Variants in SOX6 observed in about 807,000 individuals in gnomAD.
The protein encoded by SOX6 is transcription factor SOX-6.
In SOX6, 11 loss-of-function variants were observed where a neutral mutation model predicts 97.8. That is an observed-to-expected ratio of 0.11 (90% CI 0.07 to 0.19). The LOEUF (loss-of-function observed/expected upper bound fraction) is 0.19. Among genes scored for constraint, SOX6 ranks in the 10% least tolerant of loss-of-function variants. The pLI is 1.00. For synonymous variants in SOX6, 360 were observed against 371.4 expected, an observed-to-expected ratio of 0.97 and a Z score of 0.35; for missense variants, 810 against 1,039.5, an observed-to-expected ratio of 0.78 and a Z score of 3.04.
chr11:16,690,564 T>A (rs1352015654), intron 3 of SOX6, among the ~76,000 whole-genome samples: 2 of 152,242 alleles, frequency 1.3e-5, no homozygotes, highest in African/African-American at 4.8e-5. Context: ...AAACTTTCTA[T>A]AACATTTCAA....
At chr11:16,352,127 T>C (rs1856962443) in intron 1 of SOX6, among the ~76,000 whole-genome samples, 1 of 152,024 alleles carries the variant, frequency 6.6e-6, no homozygotes, top group South Asian at 2.1e-4. Context: ...CTCTGGACAA[T>C]AAATTCACCT....
intron 1 of SOX6, among the ~76,000 whole-genome samples, chr11:16,409,440 A>G (rs1858752685): frequency 6.6e-6 from 1 of 152,214 alleles, no homozygotes; most frequent in Admixed American, 6.5e-5. Flanking sequence ...TAATATCATG[A>G]GTTCCTTCCA....
At chr11:16,121,359 A>G (rs1849484974) in intron 6 of SOX6, among the ~76,000 whole-genome samples, 1 of 152,052 alleles carries the variant, frequency 6.6e-6, no homozygotes, top group Admixed American at 6.6e-5. Context: ...CTCATGAGAA[A>G]CATGCTACTC....
Position 16,014,925 on chromosome 11 carries a change from A to G in SOX6, c.1732+17T>C, listed in dbSNP as rs1314625791. ...ACACATGGAGCAGCAGAAAAGAACT[A>G]GAGAAAAGCCACTCACCCTCTGCAT... is the stretch of plus-strand genomic sequence containing the variant. On this transcript the variant is annotated intron_variant, in intron 13 of 15. Transcript: ENST00000683767. The G allele has an allele frequency of 1.2e-6, 2 of 1,606,474 alleles. No homozygotes were observed. Among genetic ancestry groups the G allele is most frequent in the East Asian group, 2.2e-5 (1 of 44,752 alleles).
chr11:16,396,357 C>T (rs1352292918), intron 1 of SOX6, among the ~76,000 whole-genome samples: 52 of 151,664 alleles, frequency 3.4e-4, no homozygotes. Context: ...CTAAATAGTG[C>T]TCTGGCATTT....
At chr11:16,437,412 C>T (rs772874524) in intron 1 of SOX6, among the ~76,000 whole-genome samples, 38 of 152,074 alleles carry the variant, frequency 2.5e-4, no homozygotes, top group Non-Finnish European at 4.9e-4. Context: ...ATTGTGAGCT[C>T]CATGACAGCA....
At chr11:16,637,950 AT>A (rs1292187218) in intron 3 of SOX6, among the ~76,000 whole-genome samples, 2 of 150,142 alleles carry the variant, frequency 1.3e-5, no homozygotes, top group African/African-American at 4.9e-5. Context: ...TCTAGGGTAC[AT>A]GTGCACAATG....
chr11:16,152,556 T>C (rs1167936791), intron 6 of SOX6, among the ~76,000 whole-genome samples: 1 of 152,228 alleles, frequency 6.6e-6, no homozygotes, highest in Non-Finnish European at 1.5e-5. Flanking sequence ...TTACCATTAA[T>C]ACAGGCTACT....
intron 4 of SOX6, among the ~76,000 whole-genome samples, chr11:16,551,804 C>T (rs1847690844): frequency 6.6e-6 from 1 of 151,884 alleles, no homozygotes; most frequent in Non-Finnish European, 1.5e-5. Context: ...TGGGTTTCAC[C>T]ATGTTGGCAA....
intron 3 of SOX6, among the ~76,000 whole-genome samples, chr11:16,655,060 G>T (rs749183114): frequency 6.6e-6 from 1 of 152,146 alleles, no homozygotes; most frequent in East Asian, 1.9e-4. Context: ...GAGAAGGAAA[G>T]GAATTTTCTA....
At chr11:16,153,957 T>C (rs192930613) in intron 6 of SOX6, among the ~76,000 whole-genome samples, 24 of 152,290 alleles carry the variant, frequency 1.6e-4, no homozygotes, top group Non-Finnish European at 2.9e-4. Flanking sequence ...AGTTCTACTT[T>C]TCTGAAAACA....
chr11:16,253,024 A>G (rs1411838167), intron 3 of SOX6, among the ~76,000 whole-genome samples: 2 of 152,136 alleles, frequency 1.3e-5, no homozygotes, highest in African/African-American at 2.4e-5. Flanking sequence ...AAAAATTATA[A>G]GACATACCAA....
At chr11:16,386,736 T>C (rs1857998388) in intron 1 of SOX6, among the ~76,000 whole-genome samples, 2 of 152,172 alleles carry the variant, frequency 1.3e-5, no homozygotes, top group Admixed American at 6.6e-5. Flanking sequence ...CACTAATGTA[T>C]AGTCACCATC....
chr11:16,161,499 G>A lies in SOX6; in HGVS notation c.777+22387C>T, dbSNP rs114124100. Among the ~76,000 whole-genome samples, 1,186 of 151,924 alleles carry A rather than the reference G, an allele frequency of 7.8e-3. 20 individuals are homozygous for A. Among genetic ancestry groups the A allele is most frequent in the African/African-American group, 0.027 (1,108 of 41,420 alleles). On this transcript the variant is annotated intron_variant, in intron 6 of 15. Transcript: ENST00000683767. ...GTCAAGTTTATTTAAAGTAGTAATGGAAACCAAATTACAACAACAAAAATC... is the reference window on the plus strand; with the variant it reads ...GTCAAGTTTATTTAAAGTAGTAATGAAAACCAAATTACAACAACAAAAATC...
chr11:16,095,100 T>G (rs1421521885), intron 9 of SOX6, among the ~76,000 whole-genome samples: 1 of 151,862 alleles, frequency 6.6e-6, no homozygotes, highest in East Asian at 1.9e-4. Context: ...TGGGTTGAGT[T>G]TCCCATCCTA....
intron 12 of SOX6, among the ~76,000 whole-genome samples, chr11:16,044,341 C>T (rs1004396782): frequency 6.6e-6 from 1 of 152,114 alleles, no homozygotes; most frequent in East Asian, 1.9e-4. Context: ...AGAACAAATT[C>T]ATAAATCTAA....
intron 3 of SOX6, among the ~76,000 whole-genome samples, chr11:16,289,484 C>T (rs1252658298): frequency 6.6e-6 from 1 of 151,936 alleles, no homozygotes. Context: ...TTTTATCTTT[C>T]TAATCAAGAG....
intron 4 of SOX6, among the ~76,000 whole-genome samples, chr11:16,189,946 T>A (rs2134111299): frequency 6.6e-6 from 1 of 152,230 alleles, no homozygotes; most frequent in Non-Finnish European, 1.5e-5. Flanking sequence ...ATACTGGAAA[T>A]TTTTCTCTTC....
chr11:16,514,546 TTTTTC>T (rs1160249140), intron 4 of SOX6, among the ~76,000 whole-genome samples: 2 of 152,040 alleles, frequency 1.3e-5, no homozygotes, highest in African/African-American at 4.8e-5. Context: ...CAGAGTTTTT[TTTTTC>T]TTTTATTATT....
Sources: gnomAD v4.1 joint callset for allele counts (sites outside exome capture counted in the v4.1 genomes callset) on GRCh38, gnomAD v4.1.1 for gene constraint, MANE v1.5 for transcripts, NCBI Gene and HGNC (gene_info 2026-07-23, HGNC 2026-07-21) for gene names.